CTSH: variants seen among roughly 807,000 people sequenced by gnomAD.
CTSH encodes pro-cathepsin H.
CTSH carries 52 observed loss-of-function variants against 56.3 expected under a neutral mutation model. That is an observed-to-expected ratio of 0.92 (90% CI 0.74 to 1.16). The LOEUF is 1.16. Ranked by LOEUF, CTSH falls within the 50% of genes most tolerant of loss-of-function variation. The pLI is 0.00. For synonymous variants in CTSH, 174 were observed against 155.7 expected (o/e 1.12, Z -0.88); for missense variants, 406 against 424.5 (o/e 0.96, Z 0.38).
intron 1 of CTSH, among the ~76,000 whole-genome samples, chr15:78,942,054 T>C (rs2055306321): frequency 1.3e-5 from 2 of 152,074 alleles, no homozygotes; most frequent in Admixed American, 1.3e-4. Flanking sequence ...CTTATTTTTG[T>C]TTCTTATAGG....
intron 3 of CTSH, 54 bp downstream of exon 3, chr15:78,937,264 G>C (rs1389022157): frequency 4.0e-6 from 6 of 1,499,314 alleles, no homozygotes; most frequent in Non-Finnish European, 4.6e-6. Context: ...CCCTTTCATG[G>C]GCTGGGTCAC....
intron 8 of CTSH, among the ~76,000 whole-genome samples, chr15:78,929,162 C>T (rs987368694): frequency 6.6e-6 from 1 of 151,846 alleles, no homozygotes; most frequent in Non-Finnish European, 1.5e-5. Context: ...AGAAGTCTGG[C>T]TCGGGAAGGA....
At chr15:78,944,676 T>C in intron 1 of CTSH, 1 of 876,322 alleles carries the variant, frequency 1.1e-6, no homozygotes. Flanking sequence ...ACTCAGCCCA[T>C]CTGCTCCTCT....
intron 8 of CTSH, 80 bp from the exon 9 acceptor site, chr15:78,927,861 C>T: frequency 8.6e-7 from 1 of 1,161,362 alleles, no homozygotes. Context: ...ATAACATTTA[C>T]TAAACAAAAC....
chr15:78,937,548 TG>T (rs1367951203), intron 2 of CTSH, 125 bp from the exon 3 acceptor site: 1 of 1,340,924 alleles, frequency 7.5e-7, no homozygotes, highest in African/African-American at 1.5e-5. Context: ...AGGCCAAATC[TG>T]TGTTAATGGG....
At chr15:78,929,319 T>C in intron 8 of CTSH, 93 bp downstream of exon 8, 1 of 859,396 alleles carries the variant, frequency 1.2e-6, no homozygotes. Context: ...GGGAGGGAGG[T>C]GGGGGGAGAA....
At chr15:78,936,971 G>A in intron 3 of CTSH, 1 of 207,096 alleles carries the variant, frequency 4.8e-6, no homozygotes, top group Non-Finnish European at 9.8e-6. Flanking sequence ...GAAGGCAGAT[G>A]CTCCCAGGGG....
In CTSH at chr15:78,929,545, G is replaced by A. The variant is rs185463479; in HGVS notation, c.549-52C>T. On this transcript the variant is annotated intron_variant, in intron 7 of 11. Transcript: ENST00000220166. ...CACCTGGGGCTGTCCTGATAGAGGC[G>A]GGGCCCTCGGGGACTGGCGTGGCGA... 42 of 1,305,344 alleles carry A rather than the reference G, an allele frequency of 3.2e-5. No individual in the cohort carries two copies. In the Middle Eastern group the frequency reaches 1.3e-3, roughly 40 times the overall value. The allele number at this position is 1,305,344 out of a possible 1,614,324, so 80.9% of individuals were successfully genotyped here.
chr15:78,939,870 G>C (rs1375941893), intron 1 of CTSH, among the ~76,000 whole-genome samples: 1 of 152,246 alleles, frequency 6.6e-6, no homozygotes, highest in Non-Finnish European at 1.5e-5. Flanking sequence ...GCGACAGAGA[G>C]AGACTCCGTC....
intron 3 of CTSH, among the ~76,000 whole-genome samples, chr15:78,936,635 CTT>C (rs796354073): frequency 7.4e-6 from 1 of 135,392 alleles, no homozygotes; most frequent in Admixed American, 7.1e-5. Flanking sequence ...GTGTGAGTTT[CTT>C]TTTTTTTTTG....
At chr15:78,924,100 G>A (rs1246163765) in intron 10 of CTSH, among the ~76,000 whole-genome samples, 1 of 124,834 alleles carries the variant, frequency 8.0e-6, no homozygotes, top group Non-Finnish European at 1.6e-5. Flanking sequence ...ACCCAGCGGG[G>A]GGGGGGGGGA....
At chr15:78,927,387 G>A (rs1487468838) in intron 9 of CTSH, 7 of 371,490 alleles carry the variant, frequency 1.9e-5, no homozygotes, top group Admixed American at 4.2e-5. Flanking sequence ...TTTCACACAC[G>A]CTGTGTCAAG....
intron 5 of CTSH, 61 bp downstream of exon 5, chr15:78,934,916 CT>C (rs765093951): frequency 9.4e-7 from 1 of 1,061,140 alleles, no homozygotes; most frequent in South Asian, 1.3e-5. Flanking sequence ...GTTGTTCTTC[CT>C]GGTGTATTGT....
intron 1 of CTSH, among the ~76,000 whole-genome samples, chr15:78,941,516 G>A (rs2055291891): frequency 6.6e-6 from 1 of 151,776 alleles, no homozygotes; most frequent in Non-Finnish European, 1.5e-5. Flanking sequence ...TCTGGAGCTG[G>A]GCGCGGTGGC....
chr15:78,938,683 A>G (rs1311286483), intron 2 of CTSH, among the ~76,000 whole-genome samples: 8 of 152,208 alleles, frequency 5.3e-5, no homozygotes, highest in African/African-American at 7.2e-5. Flanking sequence ...GGTTGATTCC[A>G]TATCTTGGCT....
At chr15:78,926,671 A>C (rs2054909595) in intron 9 of CTSH, 1 of 152,244 alleles carries the variant, frequency 6.6e-6, no homozygotes, top group Non-Finnish European at 1.5e-5. Flanking sequence ...TTGTCAAGGC[A>C]ATGAGCCCTG....
rs2054783324 is a variant in CTSH at position 78,922,157 on chromosome 15, G to A, written c.981C>T (p.Cys327=). 3 of 1,579,978 alleles carry A rather than the reference G, an allele frequency of 1.9e-6. No individual in the cohort carries two copies. The highest frequency in any genetic ancestry group is 2.6e-6 in the Non-Finnish European group (3 of 1,163,874). Residue 327 remains cysteine, a synonymous_variant, in exon 12 of 12, where the codon TGC becomes TGT. Coordinates refer to ENST00000220166, the MANE Select transcript of CTSH (RefSeq NM_004390.5). ...RGKNMCGLAA[C]ASYPIPLV is the part of the protein sequence containing the mutation. Reference sequence around the variant, plus strand: ...ACACCAGAGGGATGGGGTAGGAGGCGCAGGCAGCCAGGCCACACATGTTCT... The same window carrying A: ...ACACCAGAGGGATGGGGTAGGAGGCACAGGCAGCCAGGCCACACATGTTCT...
intron 11 of CTSH, 151 bp from the exon 12 acceptor site, chr15:78,922,356 G>A (rs2054789451): frequency 1.5e-6 from 1 of 655,656 alleles, no homozygotes; most frequent in Non-Finnish European, 2.7e-6. Context: ...TTGATCACCG[G>A]CAAATCACGG....
intron 10 of CTSH, 74 bp from the exon 11 acceptor site, chr15:78,923,192 C>T: frequency 1.9e-6 from 3 of 1,556,760 alleles, no homozygotes; most frequent in South Asian, 1.1e-5. Flanking sequence ...CCAACAACGC[C>T]TCTTTGAGCG....
Sources: allele counts gnomAD v4.1 joint callset (sites outside exome capture counted in the v4.1 genomes callset), GRCh38; gene constraint gnomAD v4.1.1; transcripts MANE v1.5; gene names NCBI Gene and HGNC (gene_info 2026-07-23, HGNC 2026-07-21).